UBAP2: variants seen among roughly 807,000 people sequenced by gnomAD.
UBAP2 encodes ubiquitin associated protein 2.
Under a neutral mutation model 139.6 loss-of-function variants are expected in UBAP2, and 75 were observed. That is an observed-to-expected ratio of 0.54 (90% CI 0.45 to 0.65). UBAP2 has a LOEUF of 0.65. UBAP2 is among the 30% of genes least tolerant of loss of function. UBAP2 has a pLI of 0.00. For synonymous variants in UBAP2, 526 were observed against 526.2 expected (o/e 1.00, Z 0.01); for missense variants, 1,368 against 1,369.6 (o/e 1.00, Z 0.02).
At chr9:33,971,994 C>T (rs1047253273) in intron 7 of UBAP2, among the ~76,000 whole-genome samples, 6 of 152,202 alleles carry the variant, frequency 3.9e-5, no homozygotes, top group Non-Finnish European at 7.3e-5. Flanking sequence ...GCCTTATTTT[C>T]CTGAAACACG....
chr9:33,996,602 C>G (rs1489236721), intron 3 of UBAP2: 2 of 340,172 alleles, frequency 5.9e-6, no homozygotes, highest in Non-Finnish European at 1.1e-5. Context: ...CACACACATA[C>G]GTACCAACAT....
intron 10 of UBAP2, among the ~76,000 whole-genome samples, chr9:33,958,724 T>A (rs1014062670): frequency 6.9e-6 from 1 of 145,676 alleles, no homozygotes; most frequent in African/African-American, 2.6e-5. Flanking sequence ...TTTTTTTTTT[T>A]AAAGGAAGGG....
intron 2 of UBAP2, among the ~76,000 whole-genome samples, chr9:34,001,964 T>C (rs1357582646): frequency 6.6e-6 from 1 of 150,746 alleles, no homozygotes; most frequent in African/African-American, 2.4e-5. Context: ...TATTTTTTCA[T>C]TAAAAAAAAA....
chr9:33,939,109 T>C lies in UBAP2; in HGVS notation c.1929+2540A>G, dbSNP rs563701041. ...TATGTTCCAAGATTCTATTCCTGTT[T>C]GTGATTTTATGTCTCATTAGAGGTA... On this transcript the variant is annotated intron_variant, in intron 16 of 28. Transcript: ENST00000379238. Among the ~76,000 whole-genome samples the C allele has an allele frequency of 3.9e-5, 6 of 152,246 alleles. No individual in the cohort carries two copies. In the East Asian group the frequency reaches 1.2e-3, roughly 29 times the overall value.
At chr9:34,022,386 C>G (rs1383777927) in intron 1 of UBAP2, among the ~76,000 whole-genome samples, 2 of 150,790 alleles carry the variant, frequency 1.3e-5, no homozygotes, top group Non-Finnish European at 3.0e-5. Flanking sequence ...GCAGGAAGAT[C>G]ACTTAACCCA....
In UBAP2 at chr9:34,016,367, C is replaced by CGGT. The variant is rs1485527479; in HGVS notation, c.99+682_99+683insACC. The stretch of plus-strand genomic sequence containing the variant: ...GAGGAGGAGGCAGCAGCGGCGGCAG[C>CGGT]GGCGGTGGTGGTGGTGGTGGTGGTG... On this transcript the variant is annotated intron_variant, in intron 2 of 28. Transcript: ENST00000379238. Among the ~76,000 whole-genome samples, 7 of 10,450 alleles carry CGGT rather than the reference C, an allele frequency of 6.7e-4. 1 individual carries two copies. The highest frequency in any genetic ancestry group is 1.1e-3 in the African/African-American group (6 of 5,452). The allele number at this position is 10,450 out of a possible 152,430, so 6.9% of individuals were successfully genotyped here.
In UBAP2 at chr9:33,922,422, G is replaced by A. The variant is rs1587494013; in HGVS notation, c.*82C>T. 2.2e-6 allele frequency: 3 copies of A among 1,376,214 alleles called. No homozygotes were observed. Among genetic ancestry groups the A allele is most frequent in the Middle Eastern group, 1.8e-4 (1 of 5,690 alleles). The allele number at this position is 1,376,214 out of a possible 1,614,324, so 85.3% of individuals were successfully genotyped here. A position where few individuals can be genotyped will look rare whatever the true frequency, so the allele number is the denominator to read the frequency against. On this transcript the variant is annotated 3_prime_UTR_variant, in exon 29 of 29. Coordinates refer to ENST00000379238, the MANE Select transcript of UBAP2 (RefSeq NM_001370062.2). ...CACATGTCGGGAATTCTAGGAAAGG[G>A]CACTGGGCTCCCAAATACGTGCTCG...
At chr9:33,973,094 G>A (rs1186854712) in intron 7 of UBAP2, 89 bp downstream of exon 7, 3 of 1,115,166 alleles carry the variant, frequency 2.7e-6, no homozygotes, top group Admixed American at 3.9e-5. Flanking sequence ...TCACCATGAT[G>A]ACTAAATTAG....
At chr9:34,016,211 A>G (rs569846454) in intron 2 of UBAP2, among the ~76,000 whole-genome samples, 26 of 125,164 alleles carry the variant, frequency 2.1e-4, no homozygotes, top group Non-Finnish European at 4.1e-4. Flanking sequence ...GAGGAGGAAT[A>G]GGAGGAAGAG....
At chr9:34,036,885 C>T (rs1826436298) in intron 1 of UBAP2, among the ~76,000 whole-genome samples, 1 of 149,926 alleles carries the variant, frequency 6.7e-6, no homozygotes, top group Non-Finnish European at 1.5e-5. Flanking sequence ...TCTCAGGTAC[C>T]TCACTGACCT....
chr9:33,945,432 G>A (rs755408434), intron 13 of UBAP2, among the ~76,000 whole-genome samples: 4 of 152,020 alleles, frequency 2.6e-5, no homozygotes, highest in South Asian at 2.1e-4. Context: ...CCCGGGAGGC[G>A]GAGCTTGCAG....
At chr9:33,935,635 A>T in intron 17 of UBAP2, 2 of 626,204 alleles carry the variant, frequency 3.2e-6, no homozygotes, top group Non-Finnish European at 2.9e-6. Context: ...GAAGAATATG[A>T]GACCACCACC....
At chr9:33,974,727 G>A (rs948131096) in intron 6 of UBAP2, among the ~76,000 whole-genome samples, 10 of 151,594 alleles carry the variant, frequency 6.6e-5, no homozygotes, top group South Asian at 2.1e-4. Flanking sequence ...CAAGGCAGGC[G>A]GATCACCTGA....
intron 8 of UBAP2, among the ~76,000 whole-genome samples, chr9:33,969,817 G>T (rs989142880): frequency 6.7e-6 from 1 of 149,584 alleles, no homozygotes; most frequent in African/African-American, 2.5e-5. Context: ...AGTGAGCCAA[G>T]ATCGTGCCAT....
chr9:34,044,356 G>A (rs1304946842), intron 1 of UBAP2, among the ~76,000 whole-genome samples: 1 of 150,998 alleles, frequency 6.6e-6, no homozygotes, highest in Admixed American at 6.6e-5. Flanking sequence ...AGCCGAGATA[G>A]CGCCACTGCA....
At chr9:34,038,993 G>A (rs1020655907) in intron 1 of UBAP2, among the ~76,000 whole-genome samples, 1 of 150,058 alleles carries the variant, frequency 6.7e-6, no homozygotes, top group African/African-American at 2.5e-5. Context: ...GAGTTGAGGA[G>A]CGTCTCTGCC....
At chr9:34,030,705 T>A (rs528196220) in intron 1 of UBAP2, among the ~76,000 whole-genome samples, 27 of 152,104 alleles carry the variant, frequency 1.8e-4, no homozygotes, top group Admixed American at 7.9e-4. Flanking sequence ...GGCGCATGGA[T>A]CACAAGGTCA....
At position 33,958,706 on chromosome 9, in the gene UBAP2, C is replaced by CTT. The variant is rs35500529; in HGVS notation, c.798+2118_798+2119dup. ...ACAGGCATGAGCCACTGTGCCCGGC[C>CTT]TTTTTTTTTTTTTTTTTTAAAGGAA... On this transcript the variant is annotated intron_variant, in intron 10 of 28. Coordinates refer to ENST00000379238, the MANE Select transcript of UBAP2 (RefSeq NM_001370062.2). Among the ~76,000 whole-genome samples, 415 of 122,736 alleles carry CTT rather than the reference C, an allele frequency of 3.4e-3. 8 individuals are homozygous for CTT. Among genetic ancestry groups the CTT allele is most frequent in the African/African-American group, 4.2e-3 (135 of 31,780 alleles). 80.5% of individuals were successfully genotyped at this position (122,736 alleles called of 152,430 possible).
In UBAP2 at chr9:33,941,633, C is replaced by A. The variant is rs749682028; in HGVS notation, c.1929+16G>T. The A allele has an allele frequency of 6.2e-7, 1 of 1,609,188 alleles. No individual in the cohort carries two copies. Among genetic ancestry groups the A allele is most frequent in the South Asian group, 1.1e-5 (1 of 90,758 alleles). Reference sequence around the variant, plus strand: ...AGACGGACATCTTCTGAGAAAAAAACTAAAATACCACTTACCATGATGGTT... The same window carrying A: ...AGACGGACATCTTCTGAGAAAAAAAATAAAATACCACTTACCATGATGGTT... On this transcript the variant is annotated intron_variant, in intron 16 of 28. Transcript: ENST00000379238.
Sources: allele counts gnomAD v4.1 joint callset (sites outside exome capture counted in the v4.1 genomes callset), GRCh38; gene constraint gnomAD v4.1.1; transcripts MANE v1.5; gene names NCBI Gene and HGNC (gene_info 2026-07-23, HGNC 2026-07-21).